Variants in ERC1 observed in about 807,000 individuals in gnomAD.
The protein encoded by ERC1 is ELKS/RAB6-interacting/CAST family member 1.
A neutral mutation model predicts 132.0 loss-of-function variants in ERC1; 56 were observed. The ratio of observed to expected loss-of-function variants is 0.42; its 90% CI spans 0.34 to 0.53. ERC1 has a LOEUF of 0.53. Among genes scored for constraint, ERC1 ranks in the 20% least tolerant of loss-of-function variants. The pLI is 0.03. For missense variants in ERC1, 1,202 were observed against 1,349.9 expected, an observed-to-expected ratio of 0.89 and a Z score of 1.72; for synonymous variants, 478 against 476.1, an observed-to-expected ratio of 1.00 and a Z score of -0.05.
chr12:1,300,436 A>G (rs914574641), intron 15 of ERC1, among the ~76,000 whole-genome samples: 1 of 150,746 alleles, frequency 6.6e-6, no homozygotes, highest in African/African-American at 2.5e-5. Context: ...AGCTGTTGCA[A>G]CAAAAACAAA....
chr12:1,175,899 TTC>T (rs1307355023), intron 8 of ERC1, among the ~76,000 whole-genome samples: 1 of 152,186 alleles, frequency 6.6e-6, no homozygotes, highest in Non-Finnish European at 1.5e-5. Context: ...CCACTTCTAA[TTC>T]TGTTTCTCTT....
At chr12:1,148,968 G>A (rs1303890476) in intron 8 of ERC1, among the ~76,000 whole-genome samples, 2 of 152,072 alleles carry the variant, frequency 1.3e-5, no homozygotes, top group African/African-American at 4.8e-5. Flanking sequence ...TTCCCATTCT[G>A]TGTACTTTTT....
chr12:1,104,440 T>C (rs1483535703), intron 3 of ERC1, among the ~76,000 whole-genome samples: 2 of 152,216 alleles, frequency 1.3e-5, no homozygotes, highest in African/African-American at 4.8e-5. Flanking sequence ...CCCGGAGTTA[T>C]GTGGAAGATT....
rs1373670236 is a variant in ERC1 at position 1,138,160 on chromosome 12, TATATATAATTGTATATAATATATATC to T, written c.1570-3449_1570-3424del. On this transcript the variant is annotated intron_variant, in intron 7 of 18. Transcript: ENST00000360905. ...AATATAATTATATTTATTTACATAA[TATATATAATTGTATATAATATATATC>T]ATATATAATTATATATGATATATAT... 5.8e-5 allele frequency among the ~76,000 whole-genome samples: 5 copies of T among 86,242 alleles called. No homozygotes were observed. The East Asian group carries it at 1.1e-3, about 20-fold the overall frequency. 56.6% of individuals were successfully genotyped at this position (86,242 alleles called of 152,430 possible).
chr12:1,026,881 G>A (rs1271145434), intron 1 of ERC1, among the ~76,000 whole-genome samples: 1 of 152,122 alleles, frequency 6.6e-6, no homozygotes, highest in East Asian at 1.9e-4. Flanking sequence ...TCAGCTTGTT[G>A]AGTTACTTGA....
intron 1 of ERC1, among the ~76,000 whole-genome samples, chr12:1,011,660 A>G (rs182886511): frequency 6.6e-6 from 1 of 152,350 alleles, no homozygotes; most frequent in African/African-American, 2.4e-5. Flanking sequence ...AAGGCTGGGC[A>G]CAGTGGCTCA....
At chr12:1,046,141 A>G (rs1486103224) in intron 2 of ERC1, among the ~76,000 whole-genome samples, 1 of 152,192 alleles carries the variant, frequency 6.6e-6, no homozygotes, top group African/African-American at 2.4e-5. Context: ...AAAAAGTGAT[A>G]CATGACTACA....
chr12:1,364,545 G>C (rs1245897518), intron 15 of ERC1, among the ~76,000 whole-genome samples: 2 of 152,090 alleles, frequency 1.3e-5, no homozygotes, highest in Non-Finnish European at 2.9e-5. Context: ...TCCTGTCCCT[G>C]TAGACACTCT....
At chr12:1,326,887 T>TG (rs1022823662) in intron 15 of ERC1, among the ~76,000 whole-genome samples, 1 of 151,642 alleles carries the variant, frequency 6.6e-6, no homozygotes, top group African/African-American at 2.4e-5. Flanking sequence ...AGACAGTTTG[T>TG]GGGTTTTTTT....
chr12:1,339,863 G>T (rs1226282855), intron 15 of ERC1, among the ~76,000 whole-genome samples: 1 of 152,152 alleles, frequency 6.6e-6, no homozygotes, highest in South Asian at 2.1e-4. Flanking sequence ...GGGCTGGCTG[G>T]TTCTGTGCTC....
At chr12:1,065,483 TG>T (rs1938963796) in intron 2 of ERC1, among the ~76,000 whole-genome samples, 2 of 74,732 alleles carry the variant, frequency 2.7e-5, no homozygotes, top group African/African-American at 9.2e-5. Flanking sequence ...GTACCGTTTG[TG>T]TGTGTGTGTG....
chr12:1,304,042 G>A (rs1379214385), intron 15 of ERC1, among the ~76,000 whole-genome samples: 1 of 151,538 alleles, frequency 6.6e-6, no homozygotes, highest in Non-Finnish European at 1.5e-5. Context: ...TGAAGTCTCT[G>A]GATTCCTGAG....
At chr12:1,429,716 C>T (rs2092737382) in intron 17 of ERC1, among the ~76,000 whole-genome samples, 1 of 152,148 alleles carries the variant, frequency 6.6e-6, no homozygotes, top group African/African-American at 2.4e-5. Flanking sequence ...TTTAGGGGTT[C>T]ACAAAGAAGG....
chr12:1,454,282 C>T (rs891558201), intron 18 of ERC1, among the ~76,000 whole-genome samples: 3 of 152,148 alleles, frequency 2.0e-5, no homozygotes, highest in Non-Finnish European at 4.4e-5. Flanking sequence ...CTTCATCTGC[C>T]GGTTCATTTG....
chr12:1,482,795 C>T (rs1435596095), intron 18 of ERC1, among the ~76,000 whole-genome samples: 2 of 152,060 alleles, frequency 1.3e-5, no homozygotes, highest in East Asian at 3.9e-4. Context: ...ATACAACTCA[C>T]CCATTGCAAG....
chr12:1,107,952 G>A (rs1945441058), intron 4 of ERC1, among the ~76,000 whole-genome samples: 1 of 152,182 alleles, frequency 6.6e-6, no homozygotes. Flanking sequence ...AATGATGGAA[G>A]GGCTGGGGCT....
At chr12:1,476,576 A>G (rs1324067683) in intron 18 of ERC1, among the ~76,000 whole-genome samples, 5 of 152,244 alleles carry the variant, frequency 3.3e-5, no homozygotes, top group Non-Finnish European at 1.5e-5. Flanking sequence ...AAGAACTACG[A>G]ATGAAAACAG....
chr12:1,083,734 T>G (rs1470654285), intron 3 of ERC1, among the ~76,000 whole-genome samples, 154 bp downstream of exon 3: 2 of 152,212 alleles, frequency 1.3e-5, no homozygotes, highest in Admixed American at 6.5e-5. Flanking sequence ...ATTTCTGTTC[T>G]GATTTGCCCT....
In ERC1 at chr12:1,189,976, G is replaced by T; in HGVS notation, c.2275G>T (p.Asp759Tyr). Residue 759 changes from aspartate (D) to tyrosine (Y), a missense_variant, in exon 12 of 19, where the codon GAT becomes TAT. Coordinates refer to ENST00000360905, the MANE Select transcript of ERC1 (RefSeq NM_178040.4). ...ATCTAGCAAGGCCCAGGCAGAAGTT[G>T]ATCGACTCTTAGAAATCTTGAAGGA... ...DESSKAQAEV[D>Y]RLLEILKEVE... The T allele has an allele frequency of 6.2e-7, 1 of 1,614,114 alleles. No homozygotes were observed. The highest frequency in any genetic ancestry group is 1.1e-5 in the South Asian group (1 of 91,072).
Sources: allele counts gnomAD v4.1 joint callset (sites outside exome capture counted in the v4.1 genomes callset), GRCh38; gene constraint gnomAD v4.1.1; transcripts MANE v1.5; gene names NCBI Gene and HGNC (gene_info 2026-07-23, HGNC 2026-07-21).